The following PRR16 variants were observed in gnomAD, a reference collection of about 807,000 sequenced individuals.
PRR16 encodes proline rich 16.
PRR16 carries 6 observed loss-of-function variants against 18.2 expected under a neutral mutation model. The observed-to-expected ratio is 0.33, with a 90% confidence interval of 0.18 to 0.65. The LOEUF (loss-of-function observed/expected upper bound fraction) is 0.65, where lower values mean the gene tolerates loss of function less well. PRR16 is among the 30% of genes least tolerant of loss of function. PRR16 has a pLI of 0.74. For synonymous variants in PRR16, 151 were observed against 147.8 expected (o/e 1.02, Z -0.16); for missense variants, 412 against 376.6 (o/e 1.09, Z -0.78).
At chr5:120,571,926 G>T (rs1752919999) in intron 1 of PRR16, among the ~76,000 whole-genome samples, 2 of 152,210 alleles carry the variant, frequency 1.3e-5, no homozygotes, top group Admixed American at 6.5e-5. Flanking sequence ...GGGACATCTA[G>T]AAGGTCAGAC....
At chr5:120,575,043 A>G (rs1753028079) in intron 1 of PRR16, among the ~76,000 whole-genome samples, 1 of 149,930 alleles carries the variant, frequency 6.7e-6, no homozygotes, top group Non-Finnish European at 1.5e-5. Flanking sequence ...AACTTTTATT[A>G]TAGTGTTGTA....
At chr5:120,790,221 C>A in the PRR16 span, 1 of 152,158 alleles carries the variant, frequency 6.6e-6, no homozygotes, top group Admixed American at 6.5e-5. Context: ...TCAGAAATTA[C>A]CATGAAGATA....
At chr5:120,779,433 AC>A in the PRR16 span, among the ~76,000 whole-genome samples, 10 of 152,158 alleles carry the variant, frequency 6.6e-5, no homozygotes, top group African/African-American at 2.4e-4. Context: ...AAACAAAAAA[AC>A]ACAACAAACT....
At chr5:120,605,586 A>C (rs1311045735) in intron 1 of PRR16, among the ~76,000 whole-genome samples, 1 of 152,166 alleles carries the variant, frequency 6.6e-6, no homozygotes, top group East Asian at 1.9e-4. Context: ...AGGTTAGAAG[A>C]TACTCTGGAT....
the PRR16 span, among the ~76,000 whole-genome samples, chr5:120,719,706 T>C: frequency 2.0e-5 from 3 of 152,086 alleles, no homozygotes; most frequent in African/African-American, 7.2e-5. Flanking sequence ...AAACTTTAAT[T>C]TAAATTTTCT....
At chr5:120,480,216 A>G (rs1462627005) in intron 1 of PRR16, among the ~76,000 whole-genome samples, 1 of 152,176 alleles carries the variant, frequency 6.6e-6, no homozygotes, top group African/African-American at 2.4e-5. Flanking sequence ...CAGAGGTTGC[A>G]GTGAGCCCAG....
intron 1 of PRR16, among the ~76,000 whole-genome samples, chr5:120,683,921 CA>C (rs55985484): frequency 0.34 from 40,762 of 121,570 alleles, 5,683 homozygotes; most frequent in Middle Eastern, 0.44. Flanking sequence ...ACTTCTGCTT[CA>C]AAAAAAAAAA....
chr5:120,690,511 G>T (rs183077850), downstream of PRR16, among the ~76,000 whole-genome samples: 8 of 152,194 alleles, frequency 5.3e-5, no homozygotes, highest in South Asian at 1.0e-3. Context: ...GATAAAATAC[G>T]GATGATTTCT....
the PRR16 span, among the ~76,000 whole-genome samples, chr5:120,747,886 G>A: frequency 7.2e-5 from 11 of 151,938 alleles, no homozygotes; most frequent in Admixed American, 5.9e-4. Context: ...ACAATTATGC[G>A]TACTCTTAGT....
intron 1 of PRR16, among the ~76,000 whole-genome samples, chr5:120,668,151 A>C (rs965465971): frequency 2.6e-5 from 4 of 151,610 alleles, no homozygotes; most frequent in African/African-American, 9.7e-5. Flanking sequence ...TATTGGGTGC[A>C]TATATATTTA....
At chr5:120,669,679 AAT>A (rs1756527726) in intron 1 of PRR16, among the ~76,000 whole-genome samples, 1 of 152,110 alleles carries the variant, frequency 6.6e-6, no homozygotes, top group Non-Finnish European at 1.5e-5. Flanking sequence ...TTTTTTAAAT[AAT>A]GATATTAATT....
In PRR16 at chr5:120,606,559, C is replaced by T. The variant is rs112667256; in HGVS notation, c.160-79395C>T. On this transcript the variant is annotated intron_variant, in intron 1 of 1. Coordinates refer to ENST00000407149, the MANE Select transcript of PRR16 (RefSeq NM_001300783.2). The stretch of plus-strand genomic sequence containing the variant: ...ATACATAATTATTAATGATTTTTTT[C>T]ATTAATCACCTAAAGTCACTTTGGT... Among the ~76,000 whole-genome samples the T allele has an allele frequency of 7.1e-3, 1,074 of 151,538 alleles. 15 individuals are homozygous for T. The highest frequency in any genetic ancestry group is 0.025 in the African/African-American group (1,015 of 41,378).
At chr5:120,663,453 AAAAG>A (rs1756246220) in intron 1 of PRR16, among the ~76,000 whole-genome samples, 1 of 121,382 alleles carries the variant, frequency 8.2e-6, no homozygotes, top group African/African-American at 2.8e-5. Context: ...TACAAAAAGT[AAAAG>A]AAAAAAAATT....
intron 1 of PRR16, among the ~76,000 whole-genome samples, chr5:120,471,120 A>G (rs758081052): frequency 3.9e-5 from 6 of 152,152 alleles, no homozygotes; most frequent in Non-Finnish European, 7.4e-5. Flanking sequence ...TCTTCATGGT[A>G]ACAGTCATTA....
the PRR16 span, among the ~76,000 whole-genome samples, chr5:120,714,854 T>A: frequency 6.6e-6 from 1 of 152,124 alleles, no homozygotes; most frequent in African/African-American, 2.4e-5. Flanking sequence ...TAGATGAAAC[T>A]GGAAGCCATC....
intron 1 of PRR16, among the ~76,000 whole-genome samples, chr5:120,504,644 C>T (rs1750580680): frequency 6.6e-6 from 1 of 152,066 alleles, no homozygotes; most frequent in African/African-American, 2.4e-5. Context: ...ATGATGTGGT[C>T]AGAAGAGAGG....
the PRR16 span, among the ~76,000 whole-genome samples, chr5:120,743,853 TC>T: frequency 1.3e-5 from 2 of 152,144 alleles, no homozygotes; most frequent in African/African-American, 4.8e-5. Flanking sequence ...TCCTTTGTTT[TC>T]ATTCTGAATA....
intron 1 of PRR16, among the ~76,000 whole-genome samples, chr5:120,629,256 A>T (rs1050869990): frequency 2.0e-5 from 3 of 152,116 alleles, no homozygotes; most frequent in African/African-American, 7.2e-5. Context: ...TGGTGTATAT[A>T]TACCACATTT....
At chr5:120,644,145 A>T (rs1040259770) in intron 1 of PRR16, among the ~76,000 whole-genome samples, 1 of 152,056 alleles carries the variant, frequency 6.6e-6, no homozygotes, top group Admixed American at 6.6e-5. Flanking sequence ...TGCTTCTCTA[A>T]TACCTAGTTT....
Sources: allele counts gnomAD v4.1 joint callset (sites outside exome capture counted in the v4.1 genomes callset), GRCh38; gene constraint gnomAD v4.1.1; transcripts MANE v1.5; gene names NCBI Gene and HGNC (gene_info 2026-07-23, HGNC 2026-07-21).